Variants in CCDC30 observed in about 807,000 individuals in gnomAD.
The protein encoded by CCDC30 is coiled-coil domain containing 30, also known as coiled-coil domain-containing protein 30.
Under a neutral mutation model 100.2 loss-of-function variants are expected in CCDC30, and 70 were observed. That is an observed-to-expected ratio of 0.70 (90% confidence interval 0.58 to 0.85). The LOEUF is 0.85. Ranked by LOEUF, CCDC30 falls within the 40% of genes least tolerant of loss-of-function variation. The probability of loss-of-function intolerance (pLI) is 0.00; values close to 1 mark genes in which losing one functional copy is unlikely to be tolerated. For missense variants in CCDC30, 652 were observed against 771.2 expected (o/e 0.85, Z 1.83); for synonymous variants, 233 against 269.5 (o/e 0.86, Z 1.33).
chr1:42,547,477 C>T (rs543950136), intron 6 of CCDC30, among the ~76,000 whole-genome samples: 222 of 152,276 alleles, frequency 1.5e-3, no homozygotes, highest in African/African-American at 5.3e-3. Context: ...CAAAAGTCCA[C>T]CCAGGTGATT....
intron 6 of CCDC30, among the ~76,000 whole-genome samples, chr1:42,522,718 A>T (rs1466178444): frequency 6.6e-6 from 1 of 152,212 alleles, no homozygotes; most frequent in African/African-American, 2.4e-5. Context: ...ACTAAAAAAT[A>T]AATGAATCTT....
chr1:42,600,069 A>T (rs1042350755), intron 10 of CCDC30, among the ~76,000 whole-genome samples: 5 of 152,118 alleles, frequency 3.3e-5, no homozygotes, highest in African/African-American at 1.2e-4. Flanking sequence ...GAGCTAAACC[A>T]TTAGAAACCA....
chr1:42,540,382 T>C (rs1163352873), intron 6 of CCDC30, among the ~76,000 whole-genome samples: 1 of 152,086 alleles, frequency 6.6e-6, no homozygotes, highest in Non-Finnish European at 1.5e-5. Context: ...ATCATCACGT[T>C]GTACAGTTAA....
chr1:42,487,341 A>G (rs909011579), intron 3 of CCDC30, among the ~76,000 whole-genome samples: 2 of 152,216 alleles, frequency 1.3e-5, no homozygotes, highest in Non-Finnish European at 2.9e-5. Flanking sequence ...TGTTAAAAAT[A>G]TAAGAACTGG....
At chr1:42,549,733 A>G (rs1192143317) in intron 6 of CCDC30, among the ~76,000 whole-genome samples, 1 of 152,228 alleles carries the variant, frequency 6.6e-6, no homozygotes, top group Admixed American at 6.5e-5. Flanking sequence ...ACTGTGTACA[A>G]TGGGTATACA....
At chr1:42,500,750 G>A (rs1441871387) in intron 6 of CCDC30, among the ~76,000 whole-genome samples, 1 of 149,492 alleles carries the variant, frequency 6.7e-6, no homozygotes, top group Non-Finnish European at 1.5e-5. Flanking sequence ...AGTTGTAGAA[G>A]TAGTTTTGTT....
intron 11 of CCDC30, among the ~76,000 whole-genome samples, chr1:42,627,791 T>G (rs1181665096): frequency 6.6e-6 from 1 of 152,174 alleles, no homozygotes; most frequent in Non-Finnish European, 1.5e-5. Context: ...TTTAGGAACC[T>G]CCACCTAGAT....
At chr1:42,612,160 A>G (rs1373297613) in intron 11 of CCDC30, among the ~76,000 whole-genome samples, 1 of 152,184 alleles carries the variant, frequency 6.6e-6, no homozygotes, top group Non-Finnish European at 1.5e-5. Context: ...CTTTGTTGCT[A>G]TAGTCTTCAA....
chr1:42,511,376 T>C (rs925135696), intron 6 of CCDC30, among the ~76,000 whole-genome samples: 14 of 152,188 alleles, frequency 9.2e-5, no homozygotes, highest in African/African-American at 3.4e-4. Flanking sequence ...AAGGCCCCTT[T>C]AATGGAGAAA....
At chr1:42,599,472 G>A (rs1646358930) in intron 10 of CCDC30, among the ~76,000 whole-genome samples, 2 of 151,978 alleles carry the variant, frequency 1.3e-5, no homozygotes, top group South Asian at 4.2e-4. Context: ...AGTCACAAAA[G>A]GCATAAAAAG....
chr1:42,522,822 T>C (rs1355416502), intron 6 of CCDC30, among the ~76,000 whole-genome samples: 1 of 152,222 alleles, frequency 6.6e-6, no homozygotes, highest in Non-Finnish European at 1.5e-5. Context: ...ATATTCTTTC[T>C]TAAATCATGT....
intron 11 of CCDC30, among the ~76,000 whole-genome samples, chr1:42,612,434 C>A (rs946011168): frequency 1.3e-5 from 2 of 152,216 alleles, no homozygotes; most frequent in South Asian, 4.1e-4. Flanking sequence ...CTGTAAGGGT[C>A]GTGGCTGGAT....
intron 7 of CCDC30, among the ~76,000 whole-genome samples, chr1:42,571,743 A>C (rs1300019899): frequency 6.6e-6 from 1 of 152,182 alleles, no homozygotes; most frequent in Non-Finnish European, 1.5e-5. Flanking sequence ...AAAGCGTTTG[A>C]CCATTTTTAT....
rs564943747 is a variant in CCDC30, at chr1:42,556,465, A to G, written c.457-9831A>G. The G allele has an allele frequency of 1.4e-5, 21 of 1,502,964 alleles. No individual in the cohort carries two copies. The African/African-American group carries it at 2.8e-4, about 20-fold the overall frequency. The allele number at this position is 1,502,964 out of a possible 1,614,324, so 93.1% of individuals were successfully genotyped here. A position where few individuals can be genotyped will look rare whatever the true frequency, so the allele number is the denominator to read the frequency against. ...GTTTCCTCTGATTGGCTGTGGATAT[A>G]AGCATCATTTTAAATACCATCATTC... is the stretch of plus-strand genomic sequence containing the variant. On this transcript the variant is annotated intron_variant, in intron 6 of 16. Coordinates refer to ENST00000668663, the Ensembl canonical transcript of CCDC30.
chr1:42,567,094 C>A (rs1200762638), intron 7 of CCDC30, among the ~76,000 whole-genome samples: 1 of 152,106 alleles, frequency 6.6e-6, no homozygotes, highest in African/African-American at 2.4e-5. Flanking sequence ...ATTGAAGGTT[C>A]TAAAATTCAA....
intron 12 of CCDC30, among the ~76,000 whole-genome samples, chr1:42,640,901 A>T (rs950157740): frequency 6.6e-6 from 1 of 151,958 alleles, no homozygotes; most frequent in African/African-American, 2.4e-5. Context: ...TAAAAAAAAA[A>T]TTAATAATAA....
intron 6 of CCDC30, among the ~76,000 whole-genome samples, chr1:42,551,534 T>C (rs1305597169): frequency 6.6e-6 from 1 of 152,144 alleles, no homozygotes; most frequent in Non-Finnish European, 1.5e-5. Flanking sequence ...GTGCTGGCTA[T>C]AGGACATGTT....
chr1:42,597,783 T>C (rs1646319517), intron 10 of CCDC30, among the ~76,000 whole-genome samples: 1 of 152,120 alleles, frequency 6.6e-6, no homozygotes, highest in Non-Finnish European at 1.5e-5. Flanking sequence ...GAGGATCACT[T>C]GAGCCCAGGA....
intron 8 of CCDC30, among the ~76,000 whole-genome samples, chr1:42,577,889 C>T (rs1281754618): frequency 6.6e-6 from 1 of 152,158 alleles, no homozygotes; most frequent in Non-Finnish European, 1.5e-5. Flanking sequence ...ATCCACCCGC[C>T]TCGGCCTCCC....
Sources: allele counts gnomAD v4.1 joint callset (sites outside exome capture counted in the v4.1 genomes callset), GRCh38; gene constraint gnomAD v4.1.1; transcripts MANE v1.5; gene names NCBI Gene and HGNC (gene_info 2026-07-23, HGNC 2026-07-21).